The following PLOD1 variants were observed in gnomAD, a reference collection of about 807,000 sequenced individuals.
PLOD1 encodes the protein lysine hydroxylase.
A neutral mutation model predicts 94.7 loss-of-function variants in PLOD1; 70 were observed. The observed-to-expected ratio is 0.74, with a 90% CI of 0.61 to 0.90. The LOEUF (loss-of-function observed/expected upper bound fraction) is 0.90, where lower values mean the gene tolerates loss of function less well. Ranked by LOEUF, PLOD1 falls within the 40% of genes least tolerant of loss-of-function variation. PLOD1 has a pLI of 0.00. For missense variants in PLOD1, 905 were observed against 972.7 expected, an observed-to-expected ratio of 0.93 and a Z score of 0.93; for synonymous variants, 417 against 400.2, an observed-to-expected ratio of 1.04 and a Z score of -0.50.
chr1:11,957,423 G>T lies in PLOD1; in HGVS notation c.741+409G>T, dbSNP rs1367918848. ...GACAGAAGGGACTGGGTGCAGATGC[G>T]GCCAGGGACAGAATGGACCTCACTG... On this transcript the variant is annotated intron_variant, in intron 7 of 18. Coordinates refer to ENST00000196061, the MANE Select transcript of PLOD1 (RefSeq NM_000302.4). The surrounding 1 kb of genome is among the most constrained non-coding windows in gnomAD (Gnocchi z 4.1). 6.6e-6 allele frequency among the ~76,000 whole-genome samples: 1 copy of T among 152,200 alleles called. No individual in the cohort carries two copies. Among genetic ancestry groups the T allele is most frequent in the Non-Finnish European group, 1.5e-5 (1 of 68,038 alleles).
At position 11,957,917 on chromosome 1, in the gene PLOD1, G is replaced by A; in HGVS notation, c.817G>A (p.Gly273Ser). The A allele has an allele frequency of 6.2e-7, 1 of 1,613,750 alleles. No individual in the cohort carries two copies. Among genetic ancestry groups the A allele is most frequent in the Non-Finnish European group, 8.5e-7 (1 of 1,179,656 alleles). Residue 273 changes from glycine to serine, a missense_variant, in exon 8 of 19, where the codon GGC becomes AGC. By Grantham distance (56) the Gly-to-Ser change is moderately conservative (BLOSUM62 0). Transcript: ENST00000196061. This position sits in a 1 kb window ranked among gnomAD's most constrained non-coding sequence, Gnocchi z 4.1. The part of the protein sequence containing the change: ...FETGCTVCDE[G>S]LRSLKGIGDE... ...AACAGGCTGCACCGTGTGTGACGAA[G>A]GCTTGCGCAGCCTCAAGGGCATTGG...
At chr1:11,947,595 C>CA (rs1226219143) in intron 1 of PLOD1, among the ~76,000 whole-genome samples, 2 of 152,058 alleles carry the variant, frequency 1.3e-5, no homozygotes, top group African/African-American at 2.4e-5. Flanking sequence ...AACCAGCTCT[C>CA]ACATGAACTC....
At chr1:11,943,838 T>C (rs948790999) in intron 1 of PLOD1, among the ~76,000 whole-genome samples, 3 of 152,176 alleles carry the variant, frequency 2.0e-5, no homozygotes, top group Admixed American at 1.3e-4. Context: ...TGTGTCCAAG[T>C]CCTGGTGCTG....
Position 11,954,611 on chromosome 1 carries a change from A to C in PLOD1, c.580-219A>C, listed in dbSNP as rs748971972. ...CATTCTTAGATTCCTTCCAGTTCAG[A>C]GTCCCTGGTTTTCTGTGAGTAGAGC... On this transcript the variant is annotated intron_variant, in intron 5 of 18. Coordinates refer to ENST00000196061, the MANE Select transcript of PLOD1 (RefSeq NM_000302.4). 14 of 766,798 alleles carry C rather than the reference A, an allele frequency of 1.8e-5. No homozygotes were observed. The East Asian group carries it at 3.0e-4, about 16-fold the overall frequency. The allele number at this position is 766,798 out of a possible 1,614,324, so 47.5% of individuals were successfully genotyped here. A position where few individuals can be genotyped will look rare whatever the true frequency, so the allele number is the denominator to read the frequency against.
Position 11,965,602 on chromosome 1 carries a change from A to G in PLOD1, c.1584+9A>G, listed in dbSNP as rs1401148105. 6.4e-7 allele frequency: 1 copy of G among 1,557,280 alleles called. No homozygotes were observed. Among genetic ancestry groups the G allele is most frequent in the Non-Finnish European group, 8.9e-7 (1 of 1,128,634 alleles). The stretch of plus-strand genomic sequence containing the variant: ...TGTTCAGCAACCCCGAGGTGAGGCC[A>G]GGGTGGGCACATAGGGGCTGGGAGC... On this transcript the variant is annotated intron_variant, in intron 14 of 18. Transcript: ENST00000196061.
At chr1:11,967,503 G>A (rs545051497) in intron 16 of PLOD1, among the ~76,000 whole-genome samples, 2 of 148,342 alleles carry the variant, frequency 1.3e-5, no homozygotes, top group East Asian at 4.0e-4. Flanking sequence ...GAGGGTGCTA[G>A]GCCCTGTGTT....
At chr1:11,974,438 C>T (rs899172953) in intron 18 of PLOD1, among the ~76,000 whole-genome samples, 3 of 152,154 alleles carry the variant, frequency 2.0e-5, no homozygotes, top group African/African-American at 7.2e-5. Context: ...CCGCCTTGGC[C>T]TGCCAAAGTG....
Position 11,958,586 on chromosome 1 carries a change from T to C in PLOD1, c.914T>C (p.Phe305Ser), listed in dbSNP as rs1569708366. The stretch of plus-strand genomic sequence containing the variant: ...CCCACGCCGTTTGTGTCCCTGTTCT[T>C]CCAGCGGCTCCTGCGGCTCCACTAC... ...EQPTPFVSLF[F>S]QRLLRLHYPQ... The change falls in exon 9 of 19, where the codon TTC becomes TCC. Residue 305 changes from phenylalanine to serine, a missense_variant. By Grantham distance (155) the Phe-to-Ser change is radical. Transcript: ENST00000196061. This position sits in a 1 kb window ranked among gnomAD's most constrained non-coding sequence, Gnocchi z 4.3. 3 of 1,614,092 alleles carry C rather than the reference T, an allele frequency of 1.9e-6. No homozygotes were observed. The highest frequency in any genetic ancestry group is 2.5e-6 in the Non-Finnish European group (3 of 1,180,012).
Position 11,964,753 on chromosome 1 carries a change from G to A in PLOD1, c.1438G>A (p.Asp480Asn), listed in dbSNP as rs1260402112. ...DLFHHSKLDP[D>N]MAFCANIRQQ... Reference sequence around the variant, plus strand: ...CTTCCACCACAGCAAGCTGGACCCCGACATGGCCTTCTGTGCCAACATCCG... The same window carrying A: ...CTTCCACCACAGCAAGCTGGACCCCAACATGGCCTTCTGTGCCAACATCCG... Residue 480 changes from aspartate to asparagine, a missense_variant, in exon 13 of 19, where the codon GAC becomes AAC. Transcript: ENST00000196061. The A allele has an allele frequency of 3.7e-6, 6 of 1,613,702 alleles. No homozygotes were observed. The highest frequency in any genetic ancestry group is 2.2e-5 in the South Asian group (2 of 91,082).
chr1:11,967,199 C>A, intron 16 of PLOD1, 108 bp downstream of exon 16: 1 of 747,240 alleles, frequency 1.3e-6, no homozygotes, highest in South Asian at 1.5e-5. Flanking sequence ...CTTTCTGGGA[C>A]TCTTGACATA....
chr1:11,969,539 C>T (rs973701205), intron 16 of PLOD1, among the ~76,000 whole-genome samples: 1 of 152,158 alleles, frequency 6.6e-6, no homozygotes, highest in African/African-American at 2.4e-5. Flanking sequence ...AGACCTCGGA[C>T]CCCAGCTGAC....
At chr1:11,936,244 T>G (rs896110340) in intron 1 of PLOD1, among the ~76,000 whole-genome samples, 1 of 151,924 alleles carries the variant, frequency 6.6e-6, no homozygotes, top group African/African-American at 2.4e-5. Flanking sequence ...CTAGCGCTCT[T>G]TCTACTTCCT....
Position 11,975,287 on chromosome 1 carries a change from G to A in PLOD1, c.*479G>A, listed in dbSNP as rs973941690. ...ACACCTGGATCAGACTCCAAGGGCTGCCCTGAGTCTGGGACTTCTGCCTCC... is the reference window on the plus strand; with the variant it reads ...ACACCTGGATCAGACTCCAAGGGCTACCCTGAGTCTGGGACTTCTGCCTCC... On this transcript the variant is annotated 3_prime_UTR_variant, in exon 19 of 19. Transcript: ENST00000196061. The A allele has an allele frequency of 3.2e-5, 8 of 253,524 alleles. No individual in the cohort carries two copies. The highest frequency in any genetic ancestry group is 1.8e-4 in the African/African-American group (8 of 45,094). 15.7% of individuals were successfully genotyped at this position (253,524 alleles called of 1,614,324 possible).
Position 11,934,810 on chromosome 1 carries a change from G to A in PLOD1, c.31G>A (p.Gly11Ser), listed in dbSNP as rs1231698439. The change falls in exon 1 of 19, where the codon GGC (glycine) becomes AGC (serine). Residue 11 changes from glycine (G) to serine (S), a missense_variant. Gly to Ser is a moderately conservative substitution (Grantham distance 56). Coordinates refer to ENST00000196061, the MANE Select transcript of PLOD1 (RefSeq NM_000302.4). ...GCCCCTGCTGCTACTGGCCCTGCTG[G>A]GCTGGCTGCTGCTGGCCGAAGCGAA... MRPLLLLALL[G>S]WLLLAEAKGD... The A allele has an allele frequency of 1.3e-6, 2 of 1,541,130 alleles. No individual in the cohort carries two copies. Among genetic ancestry groups the A allele is most frequent in the East Asian group, 2.5e-5 (1 of 40,670 alleles).
chr1:11,950,460 C>G lies in PLOD1; in HGVS notation c.406C>G (p.Arg136Gly). The G allele has an allele frequency of 5.6e-6, 9 of 1,614,018 alleles. No homozygotes were observed. Among genetic ancestry groups the G allele is most frequent in the Non-Finnish European group, 7.6e-6 (9 of 1,179,892 alleles). The change falls in exon 4 of 19, where the codon CGC becomes GGC. Residue 136 changes from arginine (R) to glycine (G), a missense_variant. Transcript: ENST00000196061. Reference sequence around the variant, plus strand: ...TGCTGAGGAGCTCATCTACCCAGACCGCAGGCTGGAGACCAAGTATCCGGT... The same window carrying G: ...TGCTGAGGAGCTCATCTACCCAGACGGCAGGCTGGAGACCAAGTATCCGGT... ...FSAEELIYPD[R>G]RLETKYPVVS...
chr1:11,966,886 C>A (rs1456074745), intron 15 of PLOD1, 101 bp from the exon 16 acceptor site: 1 of 804,094 alleles, frequency 1.2e-6, no homozygotes, highest in Admixed American at 1.7e-5. Context: ...TCCCCGGGGA[C>A]ACTGGGAGGG....
In PLOD1 at chr1:11,965,561, A is replaced by G. The variant is rs775268631; in HGVS notation, c.1552A>G (p.Asn518Asp). Reference protein sequence around the residue: ...LDSYRTTHLHNDLWEVFSNPE... With the variant: ...LDSYRTTHLHDDLWEVFSNPE... ...CAGCTACCGCACCACCCACCTGCAC[A>G]ACGACCTCTGGGAGGTGTTCAGCAA... is the stretch of plus-strand genomic sequence containing the variant. The change falls in exon 14 of 19, where the codon AAC becomes GAC. Residue 518 changes from asparagine (N) to aspartate (D), a missense_variant. Physicochemically the swap from Asn to Asp is conservative, Grantham distance 23. Coordinates refer to ENST00000196061, the MANE Select transcript of PLOD1 (RefSeq NM_000302.4). The G allele has an allele frequency of 1.2e-6, 2 of 1,613,486 alleles. No individual in the cohort carries two copies. The highest frequency in any genetic ancestry group is 8.5e-7 in the Non-Finnish European group (1 of 1,179,646).
chr1:11,958,611 C>T lies in PLOD1; in HGVS notation c.939C>T (p.Tyr313=), dbSNP rs1411565422. 3.7e-6 allele frequency: 6 copies of T among 1,614,002 alleles called. No individual in the cohort carries two copies. Among genetic ancestry groups the T allele is most frequent in the Admixed American group, 1.7e-5 (1 of 59,990 alleles). The part of the protein sequence containing the change: ...LFFQRLLRLH[Y]PQKHMRLFIH... ...TCCAGCGGCTCCTGCGGCTCCACTACCCCCAGAAACACATGCGACTTTTCA... is the reference window on the plus strand; with the variant it reads ...TCCAGCGGCTCCTGCGGCTCCACTATCCCCAGAAACACATGCGACTTTTCA... Residue 313 remains tyrosine, a synonymous_variant, in exon 9 of 19, where the codon TAC becomes TAT. Coordinates refer to ENST00000196061, the MANE Select transcript of PLOD1 (RefSeq NM_000302.4). The surrounding 1 kb of genome is among the most constrained non-coding windows in gnomAD (Gnocchi z 4.3).
chr1:11,964,327 T>TGGGGGGGGTGGGG, intron 12 of PLOD1, 27 bp downstream of exon 12: 2 of 546,368 alleles, frequency 3.7e-6, no homozygotes, highest in East Asian at 4.8e-5. Flanking sequence ...TGGGGGTGGG[T>TGGGGGGGGTGGGG]GGGGGACACC....
Sources: gnomAD v4.1 joint callset for allele counts (sites outside exome capture counted in the v4.1 genomes callset) on GRCh38, gnomAD v4.1.1 for gene constraint, Gnocchi (gnomAD v3.1) non-coding constraint, MANE v1.5 for transcripts, NCBI Gene and HGNC (gene_info 2026-07-23, HGNC 2026-07-21) for gene names.